The following ZNF804B variants were observed in gnomAD, a reference collection of about 807,000 sequenced individuals.
ZNF804B encodes the protein zinc finger protein 804B, also known as zinc finger 804B.
A neutral mutation model predicts 101.4 loss-of-function variants in ZNF804B; 80 were observed. That is an observed-to-expected ratio of 0.79 (90% CI 0.66 to 0.95). ZNF804B has a LOEUF of 0.95. Ranked by LOEUF, ZNF804B falls within the 40% of genes least tolerant of loss-of-function variation. The pLI is 0.00. For missense variants in ZNF804B, 1,673 were observed against 1,561.9 expected (o/e 1.07, Z -1.20); for synonymous variants, 622 against 558.8 (o/e 1.11, Z -1.59).
chr7:88,833,912 A>G (rs1033733067), intron 1 of ZNF804B, among the ~76,000 whole-genome samples: 4 of 151,838 alleles, frequency 2.6e-5, no homozygotes, highest in Non-Finnish European at 5.9e-5. Context: ...TTTATCAGAA[A>G]CACTATTCAG....
chr7:88,936,642 T>C (rs1215938095), intron 1 of ZNF804B, among the ~76,000 whole-genome samples: 2 of 152,092 alleles, frequency 1.3e-5, no homozygotes, highest in African/African-American at 4.8e-5. Context: ...AAAGTGTGTC[T>C]AGGTGTTGGT....
chr7:88,781,156 T>C (rs1005061183), intron 1 of ZNF804B, among the ~76,000 whole-genome samples: 4 of 152,190 alleles, frequency 2.6e-5, no homozygotes, highest in African/African-American at 9.7e-5. Context: ...ATTAAGCCAT[T>C]TAATTGAAAG....
chr7:88,831,691 T>A (rs1452185568), intron 1 of ZNF804B, among the ~76,000 whole-genome samples: 1 of 151,910 alleles, frequency 6.6e-6, no homozygotes, highest in Non-Finnish European at 1.5e-5. Context: ...TGAAAGATGC[T>A]TCTAACTCTC....
intron 1 of ZNF804B, among the ~76,000 whole-genome samples, chr7:88,956,571 G>C (rs574772203): frequency 6.6e-6 from 1 of 151,280 alleles, no homozygotes; most frequent in African/African-American, 2.4e-5. Context: ...TTAAGTGTTA[G>C]AGAAATGTCT....
At position 89,110,940 on chromosome 7, in the gene ZNF804B, A is replaced by C. The variant is rs57423451; in HGVS notation, c.109-107215A>C. The stretch of plus-strand genomic sequence containing the variant: ...CCACTGATCTTTTTACTGTTTCTAT[A>C]GTTTTTCTTTTTCAAGGTTGTCATA... On this transcript the variant is annotated intron_variant, in intron 1 of 3. Coordinates refer to ENST00000333190, the MANE Select transcript of ZNF804B (RefSeq NM_181646.5). Among the ~76,000 whole-genome samples the C allele has an allele frequency of 1.1e-4, 17 of 152,032 alleles. 1 individual carries two copies. The South Asian group carries it at 3.3e-3, about 30-fold the overall frequency.
intron 1 of ZNF804B, among the ~76,000 whole-genome samples, chr7:89,182,191 A>G (rs1181812797): frequency 1.3e-5 from 2 of 152,206 alleles, no homozygotes; most frequent in Non-Finnish European, 2.9e-5. Flanking sequence ...TTCAAGAAGC[A>G]TAGTATTGTG....
At chr7:88,904,599 A>T (rs564296366) in intron 1 of ZNF804B, among the ~76,000 whole-genome samples, 1 of 151,980 alleles carries the variant, frequency 6.6e-6, no homozygotes, top group Non-Finnish European at 1.5e-5. Flanking sequence ...AATATTTTTT[A>T]TTTATTTGTG....
In ZNF804B at chr7:89,333,863, A is replaced by G. The variant is rs778894435; in HGVS notation, c.881A>G (p.Asn294Ser). 6.2e-7 allele frequency: 1 copy of G among 1,613,430 alleles called. No individual in the cohort carries two copies. The highest frequency in any genetic ancestry group is 1.7e-5 in the Admixed American group (1 of 59,880). Reference sequence around the variant, plus strand: ...AGCCATCTGGAAAGTGTTTTACACAATACCATCTCCATAAACTCTAAAATT... The same window carrying G: ...AGCCATCTGGAAAGTGTTTTACACAGTACCATCTCCATAAACTCTAAAATT... ...SPSHLESVLH[N>S]TISINSKILQ... Residue 294 changes from asparagine (N) to serine (S), a missense_variant, in exon 4 of 4, where the codon AAT becomes AGT. Asn to Ser is a conservative substitution (Grantham distance 46). Coordinates refer to ENST00000333190, the MANE Select transcript of ZNF804B (RefSeq NM_181646.5).
intron 1 of ZNF804B, among the ~76,000 whole-genome samples, chr7:88,892,246 A>C (rs1439337752): frequency 6.6e-6 from 1 of 152,170 alleles, no homozygotes; most frequent in Non-Finnish European, 1.5e-5. Flanking sequence ...CCAGCATCAT[A>C]GGCCTTCCTT....
intron 1 of ZNF804B, among the ~76,000 whole-genome samples, chr7:89,024,074 G>A (rs1179038167): frequency 1.3e-5 from 2 of 152,122 alleles, no homozygotes; most frequent in Non-Finnish European, 2.9e-5. Context: ...CATTAAAACA[G>A]TGAAGACCTC....
intron 2 of ZNF804B, among the ~76,000 whole-genome samples, chr7:89,242,865 T>G (rs1177761954): frequency 6.6e-6 from 1 of 151,922 alleles, no homozygotes; most frequent in Non-Finnish European, 1.5e-5. Flanking sequence ...TTGAATAATG[T>G]GTTTTACTTA....
At chr7:89,106,100 T>G (rs1050555367) in intron 1 of ZNF804B, among the ~76,000 whole-genome samples, 2 of 151,538 alleles carry the variant, frequency 1.3e-5, no homozygotes, top group African/African-American at 2.4e-5. Flanking sequence ...AAATAAAATA[T>G]AAGTTCCAAA....
chr7:89,233,143 G>C (rs920922107), intron 2 of ZNF804B, among the ~76,000 whole-genome samples: 2 of 152,070 alleles, frequency 1.3e-5, no homozygotes, highest in African/African-American at 4.8e-5. Flanking sequence ...AGCCAGGATG[G>C]TCTCCATCTC....
intron 1 of ZNF804B, among the ~76,000 whole-genome samples, chr7:89,186,345 C>T (rs1203506601): frequency 6.6e-6 from 1 of 151,870 alleles, no homozygotes; most frequent in Non-Finnish European, 1.5e-5. Context: ...TCTGACCTAC[C>T]TAAAAGTTAG....
intron 3 of ZNF804B, among the ~76,000 whole-genome samples, chr7:89,330,603 TAATAAG>T (rs911845119): frequency 2.0e-5 from 3 of 151,514 alleles, no homozygotes; most frequent in Non-Finnish European, 3.0e-5. Flanking sequence ...TTTTCCAAAA[TAATAAG>T]AATAACTTTG....
chr7:89,058,903 A>G (rs761365039), intron 1 of ZNF804B, among the ~76,000 whole-genome samples: 8 of 152,098 alleles, frequency 5.3e-5, no homozygotes, highest in Non-Finnish European at 7.4e-5. Flanking sequence ...CATGTTGCCC[A>G]GGCTGGTCTC....
intron 1 of ZNF804B, among the ~76,000 whole-genome samples, chr7:88,986,531 T>C (rs1178694949): frequency 6.6e-6 from 1 of 152,080 alleles, no homozygotes; most frequent in African/African-American, 2.4e-5. Context: ...CTGGTAAAAA[T>C]AAACTGTAGG....
chr7:88,833,544 GAT>G (rs16645), intron 1 of ZNF804B, among the ~76,000 whole-genome samples: 34,603 of 151,700 alleles, frequency 0.23, 4,824 homozygotes, highest in East Asian at 0.7. Flanking sequence ...ACCAGTAAAA[GAT>G]AGGAAAATTT....
Position 89,298,723 on chromosome 7 carries a change from T to C in ZNF804B, c.250-28621T>C, listed in dbSNP as rs765964208. 7.2e-5 allele frequency among the ~76,000 whole-genome samples: 11 copies of C among 152,104 alleles called. No homozygotes were observed. The Middle Eastern group carries it at 0.01, about 141-fold the overall frequency. ...TACAAATTTTATTATATTTGGTGCA[T>C]ATGTATTTTCATATATATATTTTTA... On this transcript the variant is annotated intron_variant, in intron 2 of 3. Coordinates refer to ENST00000333190, the MANE Select transcript of ZNF804B (RefSeq NM_181646.5).
Sources: gnomAD v4.1 joint callset for allele counts (sites outside exome capture counted in the v4.1 genomes callset) on GRCh38, gnomAD v4.1.1 for gene constraint, MANE v1.5 for transcripts, NCBI Gene and HGNC (gene_info 2026-07-23, HGNC 2026-07-21) for gene names.